EDIL3: variants seen among roughly 807,000 people sequenced by gnomAD.
The protein encoded by EDIL3 is EGF like and discoidin domains 3.
EDIL3 carries 37 observed loss-of-function variants against 67.4 expected under a neutral mutation model. That is an observed-to-expected ratio of 0.55 (90% confidence interval 0.42 to 0.72). EDIL3 has a LOEUF of 0.72. Among genes scored for constraint, EDIL3 ranks in the 30% least tolerant of loss-of-function variants. The probability of loss-of-function intolerance (pLI) is 0.00; values close to 1 mark genes in which losing one functional copy is unlikely to be tolerated. For missense variants in EDIL3, 527 were observed against 586.3 expected (o/e 0.90, Z 1.04); for synonymous variants, 195 against 196.3 (o/e 0.99, Z 0.05).
chr5:84,030,701 A>AGGG (rs1172430146), intron 9 of EDIL3, among the ~76,000 whole-genome samples: 1 of 152,196 alleles, frequency 6.6e-6, no homozygotes, highest in Non-Finnish European at 1.5e-5. Context: ...GCAGACTCAC[A>AGGG]GGGGACCTAA....
intron 1 of EDIL3, among the ~76,000 whole-genome samples, chr5:84,322,835 G>C (rs1378810929): frequency 6.6e-6 from 1 of 151,928 alleles, no homozygotes; most frequent in Non-Finnish European, 1.5e-5. Flanking sequence ...ATTTCATCAC[G>C]TACAAGGGAT....
At chr5:84,178,778 A>G (rs1042607576) in intron 4 of EDIL3, among the ~76,000 whole-genome samples, 6 of 152,186 alleles carry the variant, frequency 3.9e-5, no homozygotes, top group African/African-American at 4.8e-5. Flanking sequence ...TGCAATGCAG[A>G]AAATAGGGAC....
chr5:84,123,244 G>C (rs930058802), intron 5 of EDIL3, among the ~76,000 whole-genome samples: 1 of 151,888 alleles, frequency 6.6e-6, no homozygotes, highest in African/African-American at 2.4e-5. Context: ...GTCTGATTTA[G>C]CATTAAAAGG....
intron 1 of EDIL3, among the ~76,000 whole-genome samples, chr5:84,316,242 T>C (rs1338618908): frequency 6.6e-6 from 1 of 152,032 alleles, no homozygotes; most frequent in African/African-American, 2.4e-5. Flanking sequence ...AAAGACAGGA[T>C]CAAATTCACA....
intron 4 of EDIL3, among the ~76,000 whole-genome samples, chr5:84,140,760 G>A (rs931940618): frequency 6.6e-6 from 1 of 152,014 alleles, no homozygotes; most frequent in Non-Finnish European, 1.5e-5. Flanking sequence ...AAATATACAT[G>A]TTATCTTAAG....
intron 3 of EDIL3, among the ~76,000 whole-genome samples, chr5:84,180,784 T>A (rs1176040779): frequency 5.3e-5 from 8 of 152,034 alleles, no homozygotes; most frequent in East Asian, 1.9e-4. Flanking sequence ...TACTAAAAAA[T>A]TTGCCTTAAG....
intron 9 of EDIL3, among the ~76,000 whole-genome samples, chr5:84,054,153 C>T (rs1258942255): frequency 1.3e-5 from 2 of 152,202 alleles, no homozygotes; most frequent in Non-Finnish European, 2.9e-5. Context: ...GCTGGTTCAA[C>T]ATATGCAAAT....
At chr5:84,017,928 G>T (rs919278463) in intron 9 of EDIL3, among the ~76,000 whole-genome samples, 2 of 152,090 alleles carry the variant, frequency 1.3e-5, no homozygotes, top group African/African-American at 4.8e-5. Flanking sequence ...TTCCAGGAAA[G>T]GTTCCCTAAT....
intron 2 of EDIL3, among the ~76,000 whole-genome samples, chr5:84,240,730 T>C (rs1428434894): frequency 6.6e-6 from 1 of 152,102 alleles, no homozygotes; most frequent in African/African-American, 2.4e-5. Context: ...GCCAAAAAGG[T>C]TGGGGACCGC....
intron 6 of EDIL3, among the ~76,000 whole-genome samples, chr5:84,106,115 T>C (rs141937332): frequency 6.6e-6 from 1 of 152,254 alleles, no homozygotes; most frequent in East Asian, 1.9e-4. Flanking sequence ...GGAAATCACT[T>C]AATATTTCAG....
intron 9 of EDIL3, among the ~76,000 whole-genome samples, chr5:83,985,249 G>A (rs1210935671): frequency 2.0e-5 from 3 of 151,814 alleles, no homozygotes; most frequent in South Asian, 2.1e-4. Flanking sequence ...TGATCAATAT[G>A]AGGCATTGCA....
intron 9 of EDIL3, among the ~76,000 whole-genome samples, chr5:84,036,564 C>A (rs1173140142): frequency 6.6e-6 from 1 of 152,092 alleles, no homozygotes; most frequent in Non-Finnish European, 1.5e-5. Context: ...TTTGTTGAAG[C>A]CCAGTAGTAC....
At chr5:84,131,526 A>G (rs187983586) in intron 5 of EDIL3, among the ~76,000 whole-genome samples, 1 of 152,312 alleles carries the variant, frequency 6.6e-6, no homozygotes, top group Non-Finnish European at 1.5e-5. Context: ...CTGCAACTGC[A>G]ATGCCTGGGA....
Position 84,025,175 on chromosome 5 carries a change from T to A in EDIL3, c.1137+35125A>T, listed in dbSNP as rs150345868. ...CTAAGCAACTCAATCTCTCTAAACA[T>A]CAGCTTCTTTCTCTACAGCATTTTC... is the stretch of plus-strand genomic sequence containing the variant. On this transcript the variant is annotated intron_variant, in intron 9 of 10. Coordinates refer to ENST00000296591, the MANE Select transcript of EDIL3 (RefSeq NM_005711.5). Among the ~76,000 whole-genome samples, 246 of 152,282 alleles carry A rather than the reference T, an allele frequency of 1.6e-3. 2 individuals carry two copies. Among genetic ancestry groups the A allele is most frequent in the African/African-American group, 5.6e-3 (234 of 41,546 alleles).
rs1746521040 is a variant in EDIL3 at position 84,060,421 on chromosome 5, C to A, written c.1016G>T (p.Ser339Ile). The change falls in exon 9 of 11, where the codon AGC (serine) becomes ATC (isoleucine). Residue 339 changes from serine to isoleucine, a missense_variant. Around this residue, in one of 2 missense-constraint regions of EDIL3, gnomAD observed 494 missense variants for 522.5 expected, o/e 0.95. Coordinates refer to ENST00000296591, the MANE Select transcript of EDIL3 (RefSeq NM_005711.5). Reference protein sequence around the residue: ...HIQDYQITASSIFRTLNMDMF... With the variant: ...HIQDYQITASIIFRTLNMDMF... ...GTCCATGTTGAGCGTTCTGAAGATG[C>A]TGGAGGCAGTGATCTGATAGTCTTG... The A allele has an allele frequency of 6.2e-7, 1 of 1,613,770 alleles. No individual in the cohort carries two copies. Among genetic ancestry groups the A allele is most frequent in the Non-Finnish European group, 8.5e-7 (1 of 1,179,816 alleles).
chr5:84,289,339 T>C (rs1482802988), intron 1 of EDIL3, among the ~76,000 whole-genome samples: 2 of 152,148 alleles, frequency 1.3e-5, no homozygotes, highest in East Asian at 3.8e-4. Flanking sequence ...TTAATCAGGG[T>C]AACAAAGAGC....
chr5:84,354,466 G>A (rs62360116), intron 1 of EDIL3, among the ~76,000 whole-genome samples: 22,431 of 151,980 alleles, frequency 0.15, 2,117 homozygotes, highest in Middle Eastern at 0.25. Flanking sequence ...AGACCAGACT[G>A]GCCAATGTGG....
intron 4 of EDIL3, among the ~76,000 whole-genome samples, chr5:84,160,586 C>G (rs1442758584): frequency 6.6e-6 from 1 of 152,026 alleles, no homozygotes; most frequent in East Asian, 1.9e-4. Context: ...AGCAGCTGCA[C>G]GTGAAGCAGT....
intron 2 of EDIL3, among the ~76,000 whole-genome samples, chr5:84,244,761 C>T (rs936707092): frequency 6.6e-5 from 10 of 152,174 alleles, no homozygotes; most frequent in Admixed American, 5.2e-4. Flanking sequence ...TTACCCTAAG[C>T]CTGTTCCATA....
Sources: gnomAD v4.1 joint callset for allele counts (sites outside exome capture counted in the v4.1 genomes callset) on GRCh38, gnomAD v4.1.1 for gene constraint, gnomAD v4.1.1 regional missense constraint, MANE v1.5 for transcripts, NCBI Gene and HGNC (gene_info 2026-07-23, HGNC 2026-07-21) for gene names.